Variants in GSE1 observed in about 807,000 individuals in gnomAD.
GSE1 encodes the protein Gse1 coiled-coil protein, also known as genetic suppressor element 1.
A neutral mutation model predicts 112.6 loss-of-function variants in GSE1; 32 were observed. The observed-to-expected ratio is 0.28, with a 90% CI of 0.21 to 0.38. The LOEUF (loss-of-function observed/expected upper bound fraction) is 0.38. Ranked by LOEUF, GSE1 falls within the 10% of genes least tolerant of loss-of-function variation. GSE1 has a pLI of 1.00. For missense variants in GSE1, 2,348 were observed against 1,699.2 expected (o/e 1.38, Z -6.71); for synonymous variants, 1,115 against 735.6 (o/e 1.52, Z -8.35).
intron 1 of GSE1, among the ~76,000 whole-genome samples, chr16:85,571,802 C>T (rs2045993592): frequency 6.6e-6 from 1 of 152,094 alleles, no homozygotes; most frequent in Admixed American, 6.5e-5. Context: ...TGTCGGTGGC[C>T]AGGCCCAGGG....
intron 1 of GSE1, among the ~76,000 whole-genome samples, chr16:85,570,801 A>C (rs1408321315): frequency 2.6e-5 from 4 of 152,190 alleles, no homozygotes; most frequent in Non-Finnish European, 5.9e-5. Flanking sequence ...AAAGTCTGTC[A>C]CAGGATTCTC....
intron 1 of GSE1, among the ~76,000 whole-genome samples, chr16:85,334,706 AC>A (rs140582087): frequency 6.6e-6 from 1 of 152,306 alleles, no homozygotes; most frequent in Non-Finnish European, 1.5e-5. Context: ...CTCAAGACCC[AC>A]CACCCCAAAA....
At position 85,311,920 on chromosome 16, in the gene GSE1, C is replaced by T. The variant is rs12929332; in HGVS notation, c.2284-45543C>T. On this transcript the variant is annotated intron_variant, in intron 1 of 2. Transcript: ENST00000637419. The surrounding 1 kb of genome is among the most constrained non-coding windows in gnomAD (Gnocchi z 4.2). ...AGTCCCTGCCTTCCCGGGTTCCCTCCGCCGGCCCAGCACTGCCCAGCCCCA... is the reference window on the plus strand; with the variant it reads ...AGTCCCTGCCTTCCCGGGTTCCCTCTGCCGGCCCAGCACTGCCCAGCCCCA... Among the ~76,000 whole-genome samples the T allele has an allele frequency of 1.3e-5, 2 of 152,174 alleles. No individual in the cohort carries two copies. The highest frequency in any genetic ancestry group is 2.9e-5 in the Non-Finnish European group (2 of 68,030).
At chr16:85,655,157 A>G (rs749303454) in intron 5 of GSE1, among the ~76,000 whole-genome samples, 166 bp downstream of exon 5, 3 of 152,170 alleles carry the variant, frequency 2.0e-5, no homozygotes, top group Admixed American at 2.0e-4. Flanking sequence ...TTCAGCCCTG[A>G]TGGCCCATTA....
chr16:85,515,861 A>C (rs897099544), intron 2 of GSE1, among the ~76,000 whole-genome samples: 4 of 152,126 alleles, frequency 2.6e-5, no homozygotes, highest in Admixed American at 1.3e-4. Context: ...TCTTCTGCCA[A>C]GGCCTTAAGC....
upstream of GSE1, among the ~76,000 whole-genome samples, chr16:85,608,173 CAGAA>C (rs1192257830): frequency 6.6e-6 from 1 of 152,074 alleles, no homozygotes; most frequent in Admixed American, 6.5e-5. Flanking sequence ...GGGCAGGAAA[CAGAA>C]AGAGGAGGGT....
intron 2 of GSE1, among the ~76,000 whole-genome samples, chr16:85,634,740 C>T (rs1479294127): frequency 1.3e-5 from 2 of 152,182 alleles, no homozygotes; most frequent in Admixed American, 1.3e-4. Context: ...CGTTGCTGAT[C>T]CTCTGAGCCT....
At chr16:85,556,362 A>C in exon 1 of GSE1, 3 of 984,400 alleles carry the variant, frequency 3.0e-6, no homozygotes, top group Non-Finnish European at 3.6e-6. Flanking sequence ...ATTACTTACC[A>C]GGTAAGCGAG....
chr16:85,296,432 C>T (rs562659216), intron 1 of GSE1, among the ~76,000 whole-genome samples: 2 of 152,186 alleles, frequency 1.3e-5, no homozygotes, highest in Non-Finnish European at 2.9e-5. Flanking sequence ...TGGTGAAACC[C>T]CGACTCTGCT....
Position 85,419,004 on chromosome 16 carries a change from T to C in GSE1, c.2464+61361T>C, listed in dbSNP as rs1484279871. ...AGGCGCTGGAGCTCCGTCCTGGCCA[T>C]GTGAGAGCTGCCGTGAGACACTGTG... On this transcript the variant is annotated intron_variant, in intron 2 of 2. Transcript: ENST00000637419. The surrounding 1 kb of genome is among the most constrained non-coding windows in gnomAD (Gnocchi z 6.5). Among the ~76,000 whole-genome samples, 2 of 152,058 alleles carry C rather than the reference T, an allele frequency of 1.3e-5. No individual in the cohort carries two copies. The highest frequency in any genetic ancestry group is 2.9e-5 in the Non-Finnish European group (2 of 68,000).
intron 1 of GSE1, among the ~76,000 whole-genome samples, chr16:85,596,299 T>G (rs2047224610): frequency 6.6e-6 from 1 of 152,152 alleles, no homozygotes; most frequent in African/African-American, 2.4e-5. Flanking sequence ...ACTTGGGAAA[T>G]GAAGCCTCAA....
At chr16:85,348,151 C>T (rs1449637842) in intron 1 of GSE1, among the ~76,000 whole-genome samples, 1 of 152,166 alleles carries the variant, frequency 6.6e-6, no homozygotes, top group Non-Finnish European at 1.5e-5. Context: ...TACCTGTCCT[C>T]CATCCATCCA....
At chr16:85,343,157 A>G (rs370372235) in intron 1 of GSE1, among the ~76,000 whole-genome samples, 2 of 152,104 alleles carry the variant, frequency 1.3e-5, no homozygotes, top group East Asian at 2.0e-4. Flanking sequence ...ACACTACGGC[A>G]CGCTCCTCAG....
At chr16:85,625,840 G>A (rs1167638878) in intron 1 of GSE1, among the ~76,000 whole-genome samples, 1 of 152,206 alleles carries the variant, frequency 6.6e-6, no homozygotes, top group Non-Finnish European at 1.5e-5. Flanking sequence ...CTGGAGGGCA[G>A]CGTCTGGGGG....
upstream of GSE1, among the ~76,000 whole-genome samples, chr16:85,611,704 C>T (rs1215536515): frequency 2.6e-5 from 4 of 152,212 alleles, no homozygotes; most frequent in Admixed American, 2.6e-4. Flanking sequence ...TGAGGGAGCC[C>T]GCCAGACCCT....
intron 2 of GSE1, among the ~76,000 whole-genome samples, chr16:85,497,958 C>T (rs1180523312): frequency 1.3e-5 from 2 of 152,052 alleles, no homozygotes; most frequent in African/African-American, 4.8e-5. Context: ...AGAAGTCTGT[C>T]AGCTGGGAGG....
intron 2 of GSE1, among the ~76,000 whole-genome samples, chr16:85,430,832 C>G (rs771987966): frequency 6.6e-6 from 1 of 152,226 alleles, no homozygotes. Flanking sequence ...GCAGAATCCC[C>G]TGAAGGCAAA....
At chr16:85,650,413 C>T (rs965213686) in intron 3 of GSE1, among the ~76,000 whole-genome samples, 1 of 152,176 alleles carries the variant, frequency 6.6e-6, no homozygotes, top group Non-Finnish European at 1.5e-5. Context: ...CTTCCCTGCC[C>T]CAGCCTGGAC....
intron 2 of GSE1, among the ~76,000 whole-genome samples, chr16:85,645,577 G>A (rs2050786930): frequency 6.6e-6 from 1 of 152,328 alleles, no homozygotes; most frequent in East Asian, 1.9e-4. Context: ...TGGGGCCTCT[G>A]CCTCCTGGTC....
Sources: gnomAD v4.1 joint callset for allele counts (sites outside exome capture counted in the v4.1 genomes callset) on GRCh38, gnomAD v4.1.1 for gene constraint, Gnocchi (gnomAD v3.1) non-coding constraint, MANE v1.5 for transcripts, NCBI Gene and HGNC (gene_info 2026-07-23, HGNC 2026-07-21) for gene names.